PPARA: variants seen among roughly 807,000 people sequenced by gnomAD.
The protein encoded by PPARA is peroxisome proliferator activated receptor alpha.
Under a neutral mutation model 42.2 loss-of-function variants are expected in PPARA, and 22 were observed. The ratio of observed to expected loss-of-function variants is 0.52; its 90% CI spans 0.37 to 0.74. The LOEUF is 0.74. Ranked by LOEUF, PPARA falls within the 30% of genes least tolerant of loss-of-function variation. The probability of loss-of-function intolerance (pLI) is 0.00; values close to 1 mark genes in which losing one functional copy is unlikely to be tolerated. For synonymous variants in PPARA, 242 were observed against 239.3 expected (o/e 1.01, Z -0.10); for missense variants, 465 against 608.2 (o/e 0.76, Z 2.48).
chr22:46,171,464 G>C lies in PPARA; in HGVS notation c.-126-5289G>C, dbSNP rs1928025548. ...GGCCTGGTGACTTAGCCGCCTTCAG[G>C]TACAGTAGGAGGAGCAAGCCCAGGA... is the stretch of plus-strand genomic sequence containing the variant. On this transcript the variant is annotated intron_variant, in intron 2 of 8. Transcript: ENST00000407236. The surrounding 1 kb of genome is among the most constrained non-coding windows in gnomAD (Gnocchi z 5.0). The C allele has an allele frequency of 6.5e-6, 1 of 152,760 alleles. No individual in the cohort carries two copies. The highest frequency in any genetic ancestry group is 6.6e-5 in the Admixed American group (1 of 15,256). The allele number at this position is 152,760 out of a possible 1,614,324, so 9.5% of individuals were successfully genotyped here.
chr22:46,157,418 C>T (rs562606405), intron 2 of PPARA, among the ~76,000 whole-genome samples: 1 of 152,138 alleles, frequency 6.6e-6, no homozygotes, highest in Non-Finnish European at 1.5e-5. Flanking sequence ...CAGCTTCCCC[C>T]ACACCTAGAC....
intron 4 of PPARA, among the ~76,000 whole-genome samples, chr22:46,202,862 TTAAATAAA>T (rs57620271): frequency 1.3e-5 from 2 of 150,634 alleles, no homozygotes; most frequent in African/African-American, 4.9e-5. Flanking sequence ...GACTCTGTCT[TTAAATAAA>T]TAAATAAATA....
chr22:46,219,156 C>T lies in PPARA; in HGVS notation c.509-656C>T, dbSNP rs559534443. 4.6e-4 allele frequency among the ~76,000 whole-genome samples: 70 copies of T among 151,254 alleles called. No individual in the cohort carries two copies. Among genetic ancestry groups the T allele is most frequent in the African/African-American group, 1.3e-3 (54 of 41,164 alleles). ...CAGCCTGGGCGACAGAGTGCGACTC[C>T]GTCTCAAAAAAAAAGAAAAAAAAAG... On this transcript the variant is annotated intron_variant, in intron 6 of 8. Transcript: ENST00000407236. The surrounding 1 kb of genome is among the most constrained non-coding windows in gnomAD (Gnocchi z 4.8).
At chr22:46,223,949 C>CA (rs961106248) in intron 7 of PPARA, among the ~76,000 whole-genome samples, 924 of 90,866 alleles carry the variant, frequency 0.01, 6 homozygotes, top group African/African-American at 0.03. Flanking sequence ...GACTCCATCT[C>CA]AAAAAAAAAA....
intron 3 of PPARA, among the ~76,000 whole-genome samples, chr22:46,181,337 G>A (rs1929934713): frequency 1.3e-5 from 2 of 152,062 alleles, no homozygotes; most frequent in Admixed American, 6.5e-5. Flanking sequence ...CCAGAACCAG[G>A]GCATCACATA....
chr22:46,231,758 A>C lies in PPARA; in HGVS notation c.712-34A>C. ...TAGCTGGGAGCATAGCGCATCCCAC[A>C]TCACCTGACTTACCTTGGTGTCCTC... On this transcript the variant is annotated intron_variant, in intron 7 of 8. Transcript: ENST00000407236. The surrounding 1 kb of genome is among the most constrained non-coding windows in gnomAD (Gnocchi z 7.7). The C allele has an allele frequency of 3.7e-6, 6 of 1,601,204 alleles. No individual in the cohort carries two copies. The highest frequency in any genetic ancestry group is 5.1e-6 in the Non-Finnish European group (6 of 1,172,440).
At position 46,243,517 on chromosome 22, in the gene PPARA, G is replaced by C. The variant is rs1416386220; in HGVS notation, c.*8137G>C. 6.6e-6 allele frequency: 1 copy of C among 152,104 alleles called. No individual in the cohort carries two copies. Among genetic ancestry groups the C allele is most frequent in the African/African-American group, 2.4e-5 (1 of 41,390 alleles). The allele number at this position is 152,104 out of a possible 1,614,324, so 9.4% of individuals were successfully genotyped here. ...AGTAATTTTTCTAGTCACATGAACT[G>C]ATTGGTTCCAGGCAATTAGAAAATG... On this transcript the variant is annotated 3_prime_UTR_variant, in exon 9 of 9. Transcript: ENST00000407236. The surrounding 1 kb of genome is among the most constrained non-coding windows in gnomAD (Gnocchi z 5.0).
In PPARA at chr22:46,234,575, T is replaced by G. The variant is rs770935889; in HGVS notation, c.1160-558T>G. Among the ~76,000 whole-genome samples, 1 of 152,036 alleles carries G rather than the reference T, an allele frequency of 6.6e-6. No homozygotes were observed. ...CCACTCTGGGTCTCCTGATCTTGGC[T>G]CACTGCAATCTCCGTCTCCCAGGTT... On this transcript the variant is annotated intron_variant, in intron 8 of 8. Coordinates refer to ENST00000407236, the MANE Select transcript of PPARA (RefSeq NM_005036.6). The surrounding 1 kb of genome is among the most constrained non-coding windows in gnomAD (Gnocchi z 5.8).
chr22:46,205,123 C>T (rs1933100011), intron 4 of PPARA, among the ~76,000 whole-genome samples: 1 of 152,066 alleles, frequency 6.6e-6, no homozygotes, highest in African/African-American at 2.4e-5. Context: ...TTCGGCCTCC[C>T]AAAGTGCTGG....
intron 3 of PPARA, among the ~76,000 whole-genome samples, 181 bp from the exon 4 acceptor site, chr22:46,198,161 C>T (rs962451209): frequency 5.5e-5 from 8 of 144,586 alleles, no homozygotes; most frequent in African/African-American, 2.1e-4. Flanking sequence ...TGGTGTGAAC[C>T]CGGGAGGCGG....
intron 4 of PPARA, among the ~76,000 whole-genome samples, chr22:46,206,135 C>T (rs4253715): frequency 6.6e-6 from 1 of 152,008 alleles, no homozygotes; most frequent in Non-Finnish European, 1.5e-5. Context: ...CGGAGTCTCT[C>T]TCTGTCTCCA....
At chr22:46,153,469 C>CT (rs1444979782) in intron 2 of PPARA, among the ~76,000 whole-genome samples, 2 of 152,106 alleles carry the variant, frequency 1.3e-5, no homozygotes, top group Non-Finnish European at 1.5e-5. Flanking sequence ...GCGCCGGGCC[C>CT]TTTTCCGACA....
intron 2 of PPARA, among the ~76,000 whole-genome samples, chr22:46,175,156 G>T (rs1025958707): frequency 6.6e-6 from 1 of 151,982 alleles, no homozygotes; most frequent in Non-Finnish European, 1.5e-5. Context: ...TGATCTGCCC[G>T]CCTTGGCCTC....
Position 46,233,005 on chromosome 22 carries a change from TACACACAC to T in PPARA, c.1159+780_1159+787del, listed in dbSNP as rs34036883. 4.3e-5 allele frequency among the ~76,000 whole-genome samples: 6 copies of T among 138,758 alleles called. No homozygotes were observed. The highest frequency in any genetic ancestry group is 4.4e-4 in the South Asian group (2 of 4,538). 91.0% of individuals were successfully genotyped at this position (138,758 alleles called of 152,430 possible). On this transcript the variant is annotated intron_variant, in intron 8 of 8. Coordinates refer to ENST00000407236, the MANE Select transcript of PPARA (RefSeq NM_005036.6). The surrounding 1 kb of genome is among the most constrained non-coding windows in gnomAD (Gnocchi z 7.3). ...TCAAAAAAAAAAAAAAAAAAAATTA[TACACACAC>T]ACACACACACACATTTCGTTTATAT...
chr22:46,205,533 TATATATATATATATATATATA>T (rs1313698990), intron 4 of PPARA, among the ~76,000 whole-genome samples: 139 of 32,908 alleles, frequency 4.2e-3, no homozygotes, highest in Non-Finnish European at 6.3e-3. Flanking sequence ...TATATATATA[TATATATATATATATATATATA>T]TTTTTTTTTT....
At position 46,191,641 on chromosome 22, in the gene PPARA, G is replaced by T. The variant is rs1052952592; in HGVS notation, c.-42-6701G>T. Among the ~76,000 whole-genome samples, 1 of 152,178 alleles carries T rather than the reference G, an allele frequency of 6.6e-6. No individual in the cohort carries two copies. Among genetic ancestry groups the T allele is most frequent in the African/African-American group, 2.4e-5 (1 of 41,442 alleles). The stretch of plus-strand genomic sequence containing the variant: ...TTTGTAGTCTTCGGACACACTGTGT[G>T]TGCCGCTTTGCCCTCTGGGTGACAG... On this transcript the variant is annotated intron_variant, in intron 3 of 8. Coordinates refer to ENST00000407236, the MANE Select transcript of PPARA (RefSeq NM_005036.6). The surrounding 1 kb of genome is among the most constrained non-coding windows in gnomAD (Gnocchi z 4.6).
Position 46,231,705 on chromosome 22 carries a change from A to T in PPARA, c.712-87A>T. The T allele has an allele frequency of 7.3e-7, 1 of 1,369,668 alleles. No homozygotes were observed. Among genetic ancestry groups the T allele is most frequent in the Non-Finnish European group, 1.0e-6 (1 of 979,552 alleles). The allele number at this position is 1,369,668 out of a possible 1,614,324, so 84.8% of individuals were successfully genotyped here. A position where few individuals can be genotyped will look rare whatever the true frequency, so the allele number is the denominator to read the frequency against. Reference sequence around the variant, plus strand: ...TGAGGCACTGAGCTTGGTGATTTGGACGCAGGAGCTGCTCATTAGTGAGCT... The same window carrying T: ...TGAGGCACTGAGCTTGGTGATTTGGTCGCAGGAGCTGCTCATTAGTGAGCT... On this transcript the variant is annotated intron_variant, in intron 7 of 8. Coordinates refer to ENST00000407236, the MANE Select transcript of PPARA (RefSeq NM_005036.6). This position sits in a 1 kb window ranked among gnomAD's most constrained non-coding sequence, Gnocchi z 7.7.
chr22:46,206,270 TTGTGTG>T (rs58068079), intron 4 of PPARA, among the ~76,000 whole-genome samples: 2 of 150,440 alleles, frequency 1.3e-5, no homozygotes, highest in African/African-American at 4.9e-5. Context: ...CCCGGCTAAT[TTGTGTG>T]TGTGTGTGTG....
intron 2 of PPARA, among the ~76,000 whole-genome samples, chr22:46,172,624 G>C (rs1928272021): frequency 6.6e-6 from 1 of 151,940 alleles, no homozygotes. Context: ...TCTCAAAAAA[G>C]AAAAAAACAG....
Sources: allele counts gnomAD v4.1 joint callset (sites outside exome capture counted in the v4.1 genomes callset), GRCh38; gene constraint gnomAD v4.1.1; non-coding constraint Gnocchi (gnomAD v3.1); transcripts MANE v1.5; gene names NCBI Gene and HGNC (gene_info 2026-07-23, HGNC 2026-07-21).